The following ZFHX3 variants were observed in gnomAD, a reference collection of about 807,000 sequenced individuals.
The protein encoded by ZFHX3 is zinc finger homeobox protein 3.
Under a neutral mutation model 279.1 loss-of-function variants are expected in ZFHX3, and 42 were observed. That is an observed-to-expected ratio of 0.15 (90% CI 0.12 to 0.19). ZFHX3 has a LOEUF of 0.19. ZFHX3 is among the 10% of genes least tolerant of loss of function. The pLI is 1.00. For missense variants in ZFHX3, 4,981 were observed against 4,754.0 expected, an observed-to-expected ratio of 1.05 and a Z score of -1.40; for synonymous variants, 2,293 against 1,957.8, an observed-to-expected ratio of 1.17 and a Z score of -4.52.
At chr16:73,604,982 A>G (rs1406354827) in intron 2 of ZFHX3, among the ~76,000 whole-genome samples, 3 of 152,116 alleles carry the variant, frequency 2.0e-5, no homozygotes, top group Non-Finnish European at 2.9e-5. Flanking sequence ...AAATGTGCCT[A>G]GCTGAATTCA....
At chr16:73,026,311 T>C (rs2144663699) in intron 1 of ZFHX3, among the ~76,000 whole-genome samples, 1 of 144,678 alleles carries the variant, frequency 6.9e-6, no homozygotes, top group South Asian at 2.2e-4. Context: ...AGGCGGAGGT[T>C]GCAGTGAGCC....
chr16:73,689,153 T>G (rs2053121493), intron 1 of ZFHX3, among the ~76,000 whole-genome samples: 1 of 152,242 alleles, frequency 6.6e-6, no homozygotes, highest in Non-Finnish European at 1.5e-5. Context: ...CTGATTGAAC[T>G]TAAATTCTCT....
At chr16:73,421,232 T>C (rs1290438645) in intron 3 of ZFHX3, 1 of 152,178 alleles carries the variant, frequency 6.6e-6, no homozygotes, top group Non-Finnish European at 1.5e-5. Context: ...ACTGAAAAAA[T>C]GCAGCTTTCA....
intron 5 of ZFHX3, among the ~76,000 whole-genome samples, chr16:73,154,010 C>G (rs1040136346): frequency 5.9e-5 from 9 of 152,120 alleles, no homozygotes; most frequent in African/African-American, 2.2e-4. Context: ...GGCCTCAAAA[C>G]AAGCATTCTT....
chr16:73,377,162 C>T (rs7200556), intron 3 of ZFHX3, among the ~76,000 whole-genome samples: 13 of 151,832 alleles, frequency 8.6e-5, no homozygotes, highest in South Asian at 6.2e-4. Flanking sequence ...AGTAGAGACA[C>T]GGTTTCACCA....
chr16:72,978,601 C>T (rs1962455572), intron 1 of ZFHX3, among the ~76,000 whole-genome samples: 3 of 152,214 alleles, frequency 2.0e-5, no homozygotes, highest in Admixed American at 6.5e-5. Flanking sequence ...ACCAGCGCCA[C>T]GCTGCTGGCC....
At chr16:73,004,957 G>A (rs59288483) in intron 1 of ZFHX3, among the ~76,000 whole-genome samples, 2 of 152,038 alleles carry the variant, frequency 1.3e-5, no homozygotes, top group South Asian at 2.1e-4. Flanking sequence ...TAATTTTTCC[G>A]CCATTTGGCT....
At chr16:73,534,553 T>G (rs2019861142) in intron 2 of ZFHX3, among the ~76,000 whole-genome samples, 1 of 152,256 alleles carries the variant, frequency 6.6e-6, no homozygotes. Flanking sequence ...TGCTCACTGA[T>G]AGATCTCACA....
intron 2 of ZFHX3, among the ~76,000 whole-genome samples, chr16:73,564,431 G>T (rs1366617526): frequency 2.0e-5 from 3 of 152,132 alleles, no homozygotes; most frequent in African/African-American, 7.2e-5. Flanking sequence ...CTTCAAGATG[G>T]GCCTTGCTTT....
chr16:72,787,480 G>A lies in ZFHX3; in HGVS notation c.10796C>T (p.Pro3599Leu), dbSNP rs376712517. The change falls in exon 10 of 10, where the codon CCC (proline) becomes CTC (leucine). Residue 3599 changes from proline to leucine, a missense_variant. Physicochemically the swap from Pro to Leu is moderately conservative, Grantham distance 98 (BLOSUM62 -3). Coordinates refer to ENST00000268489, the MANE Select transcript of ZFHX3 (RefSeq NM_006885.4). Reference sequence around the variant, plus strand: ...GGAGGAGGGGGCGGCGGCCGACGGGGGAGGGGGGCTGTCGTTTGAGTGAGC... The same window carrying A: ...GGAGGAGGGGGCGGCGGCCGACGGGAGAGGGGGGCTGTCGTTTGAGTGAGC... Reference protein sequence around the residue: ...SAAHSNDSPPPPSAAAPSSAS... With the variant: ...SAAHSNDSPPLPSAAAPSSAS... 31 of 1,607,262 alleles carry A rather than the reference G, an allele frequency of 1.9e-5. 1 individual carries two copies. Among genetic ancestry groups the A allele is most frequent in the Non-Finnish European group, 2.6e-5 (30 of 1,175,940 alleles).
intron 5 of ZFHX3, among the ~76,000 whole-genome samples, chr16:73,182,178 C>G (rs1003319583): frequency 1.3e-5 from 2 of 152,146 alleles, no homozygotes; most frequent in Non-Finnish European, 1.5e-5. Context: ...TAGGGAGGGC[C>G]GGGTGAGGTG....
At chr16:73,817,096 G>A (rs1960596239) in intron 1 of ZFHX3, among the ~76,000 whole-genome samples, 1 of 152,146 alleles carries the variant, frequency 6.6e-6, no homozygotes, top group African/African-American at 2.4e-5. Context: ...AGGAGAAGGA[G>A]TAATTAGGGC....
chr16:73,842,735 C>T (rs534498905), intron 1 of ZFHX3, among the ~76,000 whole-genome samples: 80 of 152,204 alleles, frequency 5.3e-4, no homozygotes, highest in Non-Finnish European at 8.2e-4. Flanking sequence ...CTTCCACACA[C>T]GGAGGTTCCA....
rs59403719 is a variant in ZFHX3 at position 73,587,112 on chromosome 16, T to C, written c.-1547+93068A>G. 6.5e-3 allele frequency among the ~76,000 whole-genome samples: 996 copies of C among 152,330 alleles called. 16 individuals are homozygous for C. The highest frequency in any genetic ancestry group is 0.023 in the African/African-American group (940 of 41,570). ...TTTTTGCCTGGTTCTTCAAAAATTA[T>C]ATTCGAAGAACTGGCTCTCAAAGGC... On this transcript the variant is annotated intron_variant, in intron 2 of 17. Transcript: ENST00000641206.
intron 1 of ZFHX3, among the ~76,000 whole-genome samples, chr16:73,750,478 T>C (rs1296761664): frequency 6.6e-6 from 1 of 152,210 alleles, no homozygotes; most frequent in Admixed American, 6.5e-5. Context: ...TACCACGCTA[T>C]GTGTGGATCT....
chr16:73,672,752 C>T (rs867834680), intron 2 of ZFHX3, among the ~76,000 whole-genome samples: 12 of 151,696 alleles, frequency 7.9e-5, no homozygotes, highest in African/African-American at 2.9e-4. Context: ...GCTTTTTATA[C>T]CTTATACTTT....
In ZFHX3 at chr16:73,705,426, G is replaced by A. The variant is rs79117402; in HGVS notation, c.-1607-25186C>T. Among the ~76,000 whole-genome samples the A allele has an allele frequency of 2.7e-4, 41 of 152,288 alleles. No homozygotes were observed. In the South Asian group the frequency reaches 2.7e-3, roughly 10 times the overall value. ...CAAAGGCCAGATAAAGCAGGAGCTG[G>A]CCATTGGACCTTGGGCCAGTATACT... is the stretch of plus-strand genomic sequence containing the variant. On this transcript the variant is annotated intron_variant, in intron 1 of 17. Coordinates refer to the ZFHX3 transcript ENST00000641206.
intron 3 of ZFHX3, among the ~76,000 whole-genome samples, chr16:73,414,946 C>T (rs1196936941): frequency 2.0e-5 from 3 of 152,154 alleles, no homozygotes. Flanking sequence ...AGAACTGGCT[C>T]GAATAACCCC....
intron 1 of ZFHX3, among the ~76,000 whole-genome samples, chr16:73,866,213 C>T (rs1445764505): frequency 1.5e-5 from 2 of 135,614 alleles, no homozygotes; most frequent in East Asian, 4.8e-4. Context: ...AGAGTATCAC[C>T]CTGTCACCCT....
Sources: allele counts gnomAD v4.1 joint callset (sites outside exome capture counted in the v4.1 genomes callset), GRCh38; gene constraint gnomAD v4.1.1; transcripts MANE v1.5; gene names NCBI Gene and HGNC (gene_info 2026-07-23, HGNC 2026-07-21).